GRM8: variants seen among roughly 807,000 people sequenced by gnomAD.
The protein encoded by GRM8 is metabotropic glutamate receptor 8.
Under a neutral mutation model 87.2 loss-of-function variants are expected in GRM8, and 47 were observed. The ratio of observed to expected loss-of-function variants is 0.54; its 90% CI spans 0.43 to 0.69. The LOEUF (loss-of-function observed/expected upper bound fraction) is 0.69, where lower values mean the gene tolerates loss of function less well. Among genes scored for constraint, GRM8 ranks in the 30% least tolerant of loss-of-function variants. The pLI is 0.00. For synonymous variants in GRM8, 396 were observed against 404.5 expected, an observed-to-expected ratio of 0.98 and a Z score of 0.25; for missense variants, 1,019 against 1,139.2, an observed-to-expected ratio of 0.89 and a Z score of 1.52.
At chr7:126,635,860 T>C (rs1444561590) in intron 7 of GRM8, among the ~76,000 whole-genome samples, 1 of 152,136 alleles carries the variant, frequency 6.6e-6, no homozygotes. Context: ...AGATAATAAA[T>C]TTACCACTTT....
At chr7:127,071,428 C>A (rs558359649) in intron 3 of GRM8, among the ~76,000 whole-genome samples, 1 of 152,282 alleles carries the variant, frequency 6.6e-6, no homozygotes, top group East Asian at 1.9e-4. Context: ...GACCACCTCA[C>A]CCTGCCTTCT....
chr7:126,659,146 A>G (rs1490455743), intron 7 of GRM8, among the ~76,000 whole-genome samples: 2 of 151,366 alleles, frequency 1.3e-5, no homozygotes, highest in East Asian at 1.9e-4. Context: ...CTTCAGCCCA[A>G]TCCTTTCCCA....
intron 7 of GRM8, among the ~76,000 whole-genome samples, chr7:126,717,540 T>A (rs1811892215): frequency 6.6e-6 from 1 of 152,120 alleles, no homozygotes; most frequent in Admixed American, 6.5e-5. Context: ...AAGAGACAAT[T>A]AGGAAAAGTA....
intron 2 of GRM8, among the ~76,000 whole-genome samples, chr7:127,205,898 C>CT: frequency 6.6e-6 from 1 of 152,104 alleles, no homozygotes; most frequent in Non-Finnish European, 1.5e-5. Flanking sequence ...ATAGGTTCCT[C>CT]TTTTTTCACC....
intron 6 of GRM8, among the ~76,000 whole-genome samples, chr7:126,783,765 T>C (rs1306583588): frequency 1.3e-5 from 2 of 152,178 alleles, no homozygotes; most frequent in South Asian, 2.1e-4. Context: ...ATAGAGGAAA[T>C]AGATCATCTG....
intron 2 of GRM8, among the ~76,000 whole-genome samples, chr7:127,153,903 G>A (rs1034209758): frequency 3.3e-5 from 5 of 152,082 alleles, no homozygotes; most frequent in Admixed American, 2.0e-4. Context: ...AAAAACCAGA[G>A]GCCTCGATTT....
chr7:126,761,193 A>C (rs10954136), intron 7 of GRM8, among the ~76,000 whole-genome samples: 1 of 151,520 alleles, frequency 6.6e-6, no homozygotes, highest in East Asian at 1.9e-4. Flanking sequence ...GCGAGACTCT[A>C]TCTCTTAAAA....
intron 6 of GRM8, among the ~76,000 whole-genome samples, chr7:126,845,645 A>G (rs1272320024): frequency 1.3e-5 from 2 of 152,240 alleles, no homozygotes; most frequent in African/African-American, 4.8e-5. Flanking sequence ...AAAAAAGCAT[A>G]TATTTAAAGA....
intron 3 of GRM8, among the ~76,000 whole-genome samples, chr7:126,907,564 T>C (rs974538990): frequency 2.0e-5 from 3 of 150,382 alleles, no homozygotes; most frequent in African/African-American, 7.3e-5. Context: ...GTGAGAGGAG[T>C]GGGCAACAAA....
chr7:126,548,898 T>C (rs1175957903), intron 8 of GRM8, among the ~76,000 whole-genome samples: 1 of 152,070 alleles, frequency 6.6e-6, no homozygotes, highest in Non-Finnish European at 1.5e-5. Flanking sequence ...TAAGTATAAA[T>C]AAATTTAATA....
chr7:127,032,275 C>T (rs1817450914), intron 3 of GRM8, among the ~76,000 whole-genome samples: 1 of 152,178 alleles, frequency 6.6e-6, no homozygotes, highest in South Asian at 2.1e-4. Context: ...GCTCCAACAG[C>T]TCTCACACTT....
At chr7:126,457,916 C>A (rs1803437792) in intron 9 of GRM8, among the ~76,000 whole-genome samples, 1 of 147,620 alleles carries the variant, frequency 6.8e-6, no homozygotes, top group African/African-American at 2.5e-5. Context: ...AAACAAGAAA[C>A]AAGACATAAA....
intron 6 of GRM8, among the ~76,000 whole-genome samples, chr7:126,830,241 T>A (rs1240772769): frequency 1.3e-5 from 2 of 152,188 alleles, no homozygotes; most frequent in Admixed American, 6.5e-5. Flanking sequence ...TGAATCTGAA[T>A]GTTGGCCTGC....
At chr7:126,991,215 T>C (rs1190473470) in intron 3 of GRM8, among the ~76,000 whole-genome samples, 2 of 152,332 alleles carry the variant, frequency 1.3e-5, no homozygotes, top group African/African-American at 4.8e-5. Flanking sequence ...TGTGAATCTT[T>C]ACTGTTCCAC....
At chr7:126,866,736 T>C (rs4299946) in intron 6 of GRM8, among the ~76,000 whole-genome samples, 57,066 of 151,336 alleles carry the variant, frequency 0.38, 11,708 homozygotes, top group Non-Finnish European at 0.46. Flanking sequence ...GGATTACAGG[T>C]GCATGCCACC....
chr7:126,479,395 C>A (rs921859722), intron 9 of GRM8, among the ~76,000 whole-genome samples: 1 of 152,018 alleles, frequency 6.6e-6, no homozygotes, highest in Non-Finnish European at 1.5e-5. Flanking sequence ...CTTCCCCTAG[C>A]CCTAGGTAAT....
intron 2 of GRM8, among the ~76,000 whole-genome samples, chr7:127,167,706 G>A (rs1312654279): frequency 1.3e-5 from 2 of 152,052 alleles, no homozygotes; most frequent in African/African-American, 4.8e-5. Context: ...AGTTTTGTGT[G>A]TGTCATCACT....
intron 6 of GRM8, among the ~76,000 whole-genome samples, chr7:126,894,327 G>T (rs1227718234): frequency 6.6e-6 from 1 of 151,982 alleles, no homozygotes; most frequent in Admixed American, 6.6e-5. Context: ...TCACCTGTTT[G>T]CCTATATACT....
intron 9 of GRM8, among the ~76,000 whole-genome samples, chr7:126,506,253 G>A (rs541649372): frequency 4.6e-5 from 7 of 151,352 alleles, no homozygotes; most frequent in South Asian, 4.2e-4. Flanking sequence ...GTAGACATAC[G>A]TGTATCTACA....
Sources: allele counts gnomAD v4.1 joint callset (sites outside exome capture counted in the v4.1 genomes callset), GRCh38; gene constraint gnomAD v4.1.1; transcripts MANE v1.5; gene names NCBI Gene and HGNC (gene_info 2026-07-23, HGNC 2026-07-21).